Variants in ZNF644 observed in about 807,000 individuals in gnomAD.
ZNF644 encodes the protein zinc finger motif enhancer binding protein 2.
ZNF644 carries 20 observed loss-of-function variants against 108.0 expected under a neutral mutation model. That is an observed-to-expected ratio of 0.19 (90% confidence interval 0.13 to 0.27). The LOEUF (loss-of-function observed/expected upper bound fraction) is 0.27, where lower values mean the gene tolerates loss of function less well. ZNF644 is among the 10% of genes least tolerant of loss of function. The probability of loss-of-function intolerance (pLI) is 1.00; values close to 1 mark genes in which losing one functional copy is unlikely to be tolerated. For missense variants in ZNF644, 1,338 were observed against 1,548.9 expected, an observed-to-expected ratio of 0.86 and a Z score of 2.29; for synonymous variants, 542 against 539.1, an observed-to-expected ratio of 1.01 and a Z score of -0.08.
At chr1:90,988,194 A>G (rs1158508736) in intron 1 of ZNF644, among the ~76,000 whole-genome samples, 2 of 152,212 alleles carry the variant, frequency 1.3e-5, no homozygotes. Context: ...TAATCATTTC[A>G]GCAAAGTTAA....
Position 91,018,631 on chromosome 1 carries a change from A to C in ZNF644, c.-18+3359T>G, listed in dbSNP as rs1660634095. Among the ~76,000 whole-genome samples, 2 of 152,238 alleles carry C rather than the reference A, an allele frequency of 1.3e-5. 1 individual carries two copies. Among genetic ancestry groups the C allele is most frequent in the South Asian group, 4.1e-4 (2 of 4,832 alleles). ...ATTTGCTGCAAGCTACAATTGTCTT[A>C]AGACCTGACTGAAAAGCCTTCCCAA... is the stretch of plus-strand genomic sequence containing the variant. On this transcript the variant is annotated intron_variant, in intron 1 of 5. Coordinates refer to ENST00000337393, the MANE Select transcript of ZNF644 (RefSeq NM_201269.3).
intron 1 of ZNF644, among the ~76,000 whole-genome samples, chr1:91,019,694 C>T (rs981057888): frequency 5.3e-5 from 8 of 152,262 alleles, no homozygotes; most frequent in African/African-American, 1.7e-4. Context: ...CCTCAGCCTC[C>T]CGAGTAGGTG....
intron 1 of ZNF644, among the ~76,000 whole-genome samples, chr1:91,003,676 TATA>T (rs1265164244): frequency 2.0e-5 from 3 of 151,320 alleles, no homozygotes; most frequent in Non-Finnish European, 2.9e-5. Context: ...GAACTTAAAG[TATA>T]ATAATATCAA....
chr1:90,999,994 T>A (rs1411330495), intron 1 of ZNF644, among the ~76,000 whole-genome samples: 2 of 152,182 alleles, frequency 1.3e-5, no homozygotes, highest in Non-Finnish European at 2.9e-5. Context: ...CTAACTATCC[T>A]AAATATATAT....
At chr1:90,958,279 TAA>T (rs535736954) in intron 2 of ZNF644, among the ~76,000 whole-genome samples, 2 of 101,196 alleles carry the variant, frequency 2.0e-5, no homozygotes, top group African/African-American at 7.2e-5. Context: ...ACCAAGAAAG[TAA>T]AAGACTTGTG....
chr1:90,929,652 T>C (rs1650491732), intron 4 of ZNF644, among the ~76,000 whole-genome samples: 1 of 152,172 alleles, frequency 6.6e-6, no homozygotes, highest in Non-Finnish European at 1.5e-5. Context: ...TTCTATCACA[T>C]CAGAAAGTGC....
At chr1:90,997,134 T>C (rs912420967) in intron 1 of ZNF644, among the ~76,000 whole-genome samples, 4 of 152,152 alleles carry the variant, frequency 2.6e-5, no homozygotes, top group Admixed American at 6.5e-5. Context: ...AACATATTCC[T>C]GAGACTCTAG....
At chr1:90,964,191 G>A (rs1003223577) in intron 2 of ZNF644, among the ~76,000 whole-genome samples, 10 of 151,702 alleles carry the variant, frequency 6.6e-5, no homozygotes, top group Non-Finnish European at 8.8e-5. Context: ...TAATTTTTCT[G>A]TTTTCCTTTA....
chr1:90,965,629 T>C (rs74692004), intron 2 of ZNF644, among the ~76,000 whole-genome samples: 1,917 of 152,260 alleles, frequency 0.013, 39 homozygotes, highest in African/African-American at 0.044. Context: ...AGTTGTAAAA[T>C]AACAGAATAC....
chr1:90,985,472 C>T (rs1457516236), intron 1 of ZNF644, among the ~76,000 whole-genome samples: 1 of 152,174 alleles, frequency 6.6e-6, no homozygotes, highest in East Asian at 1.9e-4. Flanking sequence ...CACTCCCCAA[C>T]CCAGCCTCAG....
intron 1 of ZNF644, among the ~76,000 whole-genome samples, chr1:91,016,081 T>G (rs991824524): frequency 6.6e-6 from 1 of 152,214 alleles, no homozygotes; most frequent in African/African-American, 2.4e-5. Flanking sequence ...TCTTTATATA[T>G]GCATAATTAC....
chr1:90,958,351 T>C (rs1653978505), intron 2 of ZNF644, among the ~76,000 whole-genome samples: 1 of 149,068 alleles, frequency 6.7e-6, no homozygotes, highest in African/African-American at 2.5e-5. Context: ...TGGAAACACA[T>C]CTATGTTCAT....
At chr1:90,968,060 CAAAAA>C (rs763728133) in intron 2 of ZNF644, among the ~76,000 whole-genome samples, 4 of 67,242 alleles carry the variant, frequency 5.9e-5, no homozygotes, top group Non-Finnish European at 1.1e-4. Flanking sequence ...GACTCCGTCT[CAAAAA>C]AAAAAAAAAA....
chr1:91,018,344 AG>A (rs1310710010), intron 1 of ZNF644, among the ~76,000 whole-genome samples: 1 of 152,246 alleles, frequency 6.6e-6, no homozygotes, highest in African/African-American at 2.4e-5. Flanking sequence ...GAACTGCTTC[AG>A]TCAATGCTAT....
chr1:91,016,955 C>G (rs912698135), intron 1 of ZNF644, among the ~76,000 whole-genome samples: 6 of 152,180 alleles, frequency 3.9e-5, no homozygotes, highest in Non-Finnish European at 8.8e-5. Context: ...GCCTCGGCCT[C>G]CCAAGTAGCT....
chr1:90,971,014 A>C lies in ZNF644; in HGVS notation c.44+11296T>G, dbSNP rs563552. ...ACTCCATTTCAAAAAAAAAAAAAAA[A>C]AAAACACTATCACTTACATTCCACT... On this transcript the variant is annotated intron_variant, in intron 2 of 5. Transcript: ENST00000337393. 1.4e-3 allele frequency among the ~76,000 whole-genome samples: 215 copies of C among 151,606 alleles called. 4 individuals are homozygous for C. Among genetic ancestry groups the C allele is most frequent in the Middle Eastern group, 0.01 (3 of 294 alleles).
At chr1:90,966,421 C>T (rs1205494175) in intron 2 of ZNF644, among the ~76,000 whole-genome samples, 3 of 152,060 alleles carry the variant, frequency 2.0e-5, no homozygotes, top group African/African-American at 7.2e-5. Context: ...TAGAGTGTTC[C>T]ATTTTGAGCC....
intron 1 of ZNF644, among the ~76,000 whole-genome samples, chr1:90,991,878 C>T (rs1301208747): frequency 6.6e-6 from 1 of 152,126 alleles, no homozygotes; most frequent in East Asian, 1.9e-4. Flanking sequence ...ATGCAAATGT[C>T]CATACCATCC....
chr1:90,977,084 G>A (rs567282661), intron 2 of ZNF644, among the ~76,000 whole-genome samples: 30 of 150,476 alleles, frequency 2.0e-4, no homozygotes, highest in Non-Finnish European at 3.7e-4. Context: ...CTGGAATTAA[G>A]ACTAACAACT....
Sources: gnomAD v4.1 joint callset for allele counts (sites outside exome capture counted in the v4.1 genomes callset) on GRCh38, gnomAD v4.1.1 for gene constraint, MANE v1.5 for transcripts, NCBI Gene and HGNC (gene_info 2026-07-23, HGNC 2026-07-21) for gene names.